PDE10A: variants seen among roughly 807,000 people sequenced by gnomAD.
PDE10A encodes the protein cAMP and cAMP-inhibited cGMP 3',5'-cyclic phosphodiesterase 10A.
In PDE10A, 39 loss-of-function variants were observed where a neutral mutation model predicts 97.7. The ratio of observed to expected loss-of-function variants is 0.40; its 90% confidence interval spans 0.31 to 0.52. PDE10A has a LOEUF of 0.52. Ranked by LOEUF, PDE10A falls within the 20% of genes least tolerant of loss-of-function variation. The pLI, the probability that PDE10A is intolerant of heterozygous loss-of-function variation, is 0.56. For synonymous variants in PDE10A, 371 were observed against 376.8 expected (o/e 0.98, Z 0.18); for missense variants, 731 against 1,047.8 (o/e 0.70, Z 4.17).
upstream of PDE10A, among the ~76,000 whole-genome samples, chr6:165,664,921 A>G (rs58370338): frequency 0.052 from 7,922 of 152,326 alleles, 507 homozygotes; most frequent in East Asian, 0.25. Context: ...TAACTTGCCC[A>G]TAAGCCCCCT....
At chr6:165,462,619 T>A (rs2181285) in intron 3 of PDE10A, among the ~76,000 whole-genome samples, 4,235 of 151,506 alleles carry the variant, frequency 0.028, 202 homozygotes, top group African/African-American at 0.095. Flanking sequence ...GCTGAGGAGG[T>A]CCCCAACTGT....
chr6:165,675,518 T>A (rs1179186818), intron 1 of PDE10A, among the ~76,000 whole-genome samples: 1 of 152,188 alleles, frequency 6.6e-6, no homozygotes, highest in African/African-American at 2.4e-5. Context: ...AGTAAGATCA[T>A]TTAAAATAGA....
At chr6:165,775,936 C>A (rs190560252) in intron 1 of PDE10A, among the ~76,000 whole-genome samples, 14 of 152,128 alleles carry the variant, frequency 9.2e-5, no homozygotes, top group African/African-American at 3.1e-4. Context: ...CGGATTGTTT[C>A]GTATTCTTAT....
intron 1 of PDE10A, among the ~76,000 whole-genome samples, chr6:165,947,813 G>A (rs1783822926): frequency 6.6e-6 from 1 of 152,124 alleles, no homozygotes; most frequent in East Asian, 1.9e-4. Flanking sequence ...GTTTTTGGCT[G>A]CTTCCTTGCT....
At chr6:165,523,078 G>A (rs1782226569) in intron 2 of PDE10A, among the ~76,000 whole-genome samples, 1 of 151,418 alleles carries the variant, frequency 6.6e-6, no homozygotes. Context: ...GGAAGTGAAA[G>A]ATAGCTACAA....
At chr6:165,558,379 T>G (rs556088254) in intron 1 of PDE10A, among the ~76,000 whole-genome samples, 77 of 151,178 alleles carry the variant, frequency 5.1e-4, no homozygotes, top group Non-Finnish European at 9.3e-4. Flanking sequence ...CCATATGTTC[T>G]CAATCATAGG....
At position 165,379,447 on chromosome 6, in the gene PDE10A, T is replaced by C. The variant is rs911576913; in HGVS notation, c.2611-81A>G. 32 of 1,125,096 alleles carry C rather than the reference T, an allele frequency of 2.8e-5. No individual in the cohort carries two copies. The African/African-American group carries it at 4.6e-4, about 16-fold the overall frequency. The allele number at this position is 1,125,096 out of a possible 1,614,324, so 69.7% of individuals were successfully genotyped here. ...TGACATTTTTAGTTATTTGAAACTA[T>C]ATAGTCAGTCAATGACATCTGGCAC... On this transcript the variant is annotated intron_variant, in intron 17 of 21. Transcript: ENST00000539869.
At chr6:165,603,478 A>T (rs1357706943) in intron 1 of PDE10A, among the ~76,000 whole-genome samples, 1 of 152,388 alleles carries the variant, frequency 6.6e-6, no homozygotes, top group Admixed American at 6.5e-5. Context: ...TAGTGAAAAC[A>T]TAGGAAATAG....
intron 2 of PDE10A, among the ~76,000 whole-genome samples, chr6:165,491,659 T>C (rs558368180): frequency 8.5e-5 from 13 of 152,142 alleles, no homozygotes; most frequent in African/African-American, 3.1e-4. Context: ...GGGTTTGAAC[T>C]ACACTATAAT....
chr6:165,885,581 C>A (rs953574153), intron 1 of PDE10A, among the ~76,000 whole-genome samples: 4 of 152,210 alleles, frequency 2.6e-5, no homozygotes, highest in South Asian at 2.1e-4. Flanking sequence ...AGCTCTCCCC[C>A]ATGCTGTGAG....
At chr6:165,375,291 T>A (rs1053544188) in intron 18 of PDE10A, among the ~76,000 whole-genome samples, 1 of 151,364 alleles carries the variant, frequency 6.6e-6, no homozygotes, top group Admixed American at 6.6e-5. Context: ...AAAGAAAAAA[T>A]TCTTCAAGGA....
intron 1 of PDE10A, among the ~76,000 whole-genome samples, chr6:165,912,430 C>T (rs1373518914): frequency 5.3e-5 from 8 of 152,200 alleles, no homozygotes; most frequent in Admixed American, 5.2e-4. Flanking sequence ...GCGTTCTCAG[C>T]TGAGGGTGGA....
chr6:165,468,440 A>G (rs1038915082), intron 3 of PDE10A, among the ~76,000 whole-genome samples: 5 of 152,088 alleles, frequency 3.3e-5, no homozygotes, highest in Admixed American at 3.3e-4. Context: ...ATGCTATTAC[A>G]CAATTTACAG....
At chr6:165,911,839 G>C (rs1432970210) in intron 1 of PDE10A, among the ~76,000 whole-genome samples, 1 of 152,184 alleles carries the variant, frequency 6.6e-6, no homozygotes, top group East Asian at 1.9e-4. Context: ...CCTGGGAGAG[G>C]TCATTCATTT....
At chr6:165,919,310 A>G (rs1317833585) in intron 1 of PDE10A, among the ~76,000 whole-genome samples, 1 of 152,144 alleles carries the variant, frequency 6.6e-6, no homozygotes, top group Non-Finnish European at 1.5e-5. Flanking sequence ...GGCCCACCAC[A>G]TGGGGACTGG....
intron 2 of PDE10A, among the ~76,000 whole-genome samples, chr6:165,492,481 G>T (rs939827744): frequency 2.6e-5 from 4 of 152,016 alleles, no homozygotes; most frequent in African/African-American, 7.2e-5. Flanking sequence ...CCAACATCAT[G>T]TTAAAAAGAT....
intron 1 of PDE10A, among the ~76,000 whole-genome samples, chr6:165,627,501 A>T (rs1022304920): frequency 1.3e-5 from 2 of 152,188 alleles, no homozygotes; most frequent in Non-Finnish European, 2.9e-5. Context: ...GAAATCACAG[A>T]AGATGTAATT....
At chr6:165,975,409 A>G (rs1784819643) in intron 1 of PDE10A, among the ~76,000 whole-genome samples, 1 of 152,222 alleles carries the variant, frequency 6.6e-6, no homozygotes, top group South Asian at 2.1e-4. Flanking sequence ...GTTCGAGACC[A>G]GCCTGGGCAA....
chr6:165,343,685 C>T (rs1027893304), intron 18 of PDE10A, among the ~76,000 whole-genome samples, 183 bp from the exon 19 acceptor site: 2 of 152,142 alleles, frequency 1.3e-5, no homozygotes, highest in Non-Finnish European at 2.9e-5. Flanking sequence ...ATCATAAGAA[C>T]AAGAGTCACT....
Sources: allele counts gnomAD v4.1 joint callset (sites outside exome capture counted in the v4.1 genomes callset), GRCh38; gene constraint gnomAD v4.1.1; transcripts MANE v1.5; gene names NCBI Gene and HGNC (gene_info 2026-07-23, HGNC 2026-07-21).